SRCIN1: variants seen among roughly 807,000 people sequenced by gnomAD.
SRCIN1 encodes the protein SRC kinase signaling inhibitor 1.
Under a neutral mutation model 116.2 loss-of-function variants are expected in SRCIN1, and 50 were observed. The ratio of observed to expected loss-of-function variants is 0.43; its 90% CI spans 0.34 to 0.54. The LOEUF is 0.54. Ranked by LOEUF, SRCIN1 falls within the 20% of genes least tolerant of loss-of-function variation. The pLI is 0.02. For synonymous variants in SRCIN1, 736 were observed against 750.0 expected, an observed-to-expected ratio of 0.98 and a Z score of 0.30; for missense variants, 1,446 against 1,672.0, an observed-to-expected ratio of 0.86 and a Z score of 2.36.
intron 3 of SRCIN1, among the ~76,000 whole-genome samples, chr17:38,565,607 G>C (rs78832807): frequency 0.018 from 2,763 of 152,168 alleles, 105 homozygotes; most frequent in African/African-American, 0.063. Flanking sequence ...CTCCTCTTCA[G>C]CTCCCTCTCT....
chr17:38,561,218 G>A (rs771444395), intron 7 of SRCIN1, among the ~76,000 whole-genome samples: 1 of 152,178 alleles, frequency 6.6e-6, no homozygotes. Flanking sequence ...CAGAGTCCTC[G>A]TCTGGGGACC....
intron 18 of SRCIN1, among the ~76,000 whole-genome samples, chr17:38,540,080 T>A (rs1904634464): frequency 6.6e-6 from 1 of 151,408 alleles, no homozygotes; most frequent in Admixed American, 6.6e-5. Flanking sequence ...GATAAGCAGT[T>A]GTTCAGCAAA....
chr17:38,576,139 T>A (rs1907404486), intron 2 of SRCIN1, among the ~76,000 whole-genome samples: 1 of 152,132 alleles, frequency 6.6e-6, no homozygotes, highest in South Asian at 2.1e-4. Flanking sequence ...CCAGGCCTGC[T>A]ACCCCTGGAA....
Position 38,558,598 on chromosome 17 carries a change from G to T in SRCIN1, c.2026-196C>A, listed in dbSNP as rs1410615225. Among the ~76,000 whole-genome samples, 1 of 152,216 alleles carries T rather than the reference G, an allele frequency of 6.6e-6. No individual in the cohort carries two copies. Among genetic ancestry groups the T allele is most frequent in the South Asian group, 2.1e-4 (1 of 4,834 alleles). On this transcript the variant is annotated intron_variant, in intron 10 of 18. Transcript: ENST00000617146. This position sits in a 1 kb window ranked among gnomAD's most constrained non-coding sequence, Gnocchi z 4.6. Reference sequence around the variant, plus strand: ...GCAGGGGCGGGATGGCGAAGGGCAGGGGCAGAGGGCTAAGTTCTGGGGAAG... The same window carrying T: ...GCAGGGGCGGGATGGCGAAGGGCAGTGGCAGAGGGCTAAGTTCTGGGGAAG...
Position 38,558,514 on chromosome 17 carries a change from A to C in SRCIN1, c.2026-112T>G. Reference sequence around the variant, plus strand: ...TGCCCAATCCAGGGCGGGGCTCTGCAGAAGAAGCGGCTGCTTGGCTCCGCC... The same window carrying C: ...TGCCCAATCCAGGGCGGGGCTCTGCCGAAGAAGCGGCTGCTTGGCTCCGCC... On this transcript the variant is annotated intron_variant, in intron 10 of 18. Transcript: ENST00000617146. This position sits in a 1 kb window ranked among gnomAD's most constrained non-coding sequence, Gnocchi z 4.6. 2 of 1,290,150 alleles carry C rather than the reference A, an allele frequency of 1.6e-6. No individual in the cohort carries two copies. Among genetic ancestry groups the C allele is most frequent in the African/African-American group, 1.5e-5 (1 of 65,022 alleles). The allele number at this position is 1,290,150 out of a possible 1,614,324, so 79.9% of individuals were successfully genotyped here.
chr17:38,597,418 C>G (rs1908783575), intron 1 of SRCIN1, among the ~76,000 whole-genome samples: 1 of 152,134 alleles, frequency 6.6e-6, no homozygotes, highest in Non-Finnish European at 1.5e-5. Flanking sequence ...GGAGAGTGGG[C>G]CCCATTCAAT....
At chr17:38,603,175 A>T (rs1018716646) in intron 1 of SRCIN1, among the ~76,000 whole-genome samples, 1 of 151,804 alleles carries the variant, frequency 6.6e-6, no homozygotes, top group Admixed American at 6.6e-5. Flanking sequence ...AGAGAGAGGG[A>T]AGAGGGAGAG....
Position 38,558,328 on chromosome 17 carries a change from C to A in SRCIN1, c.2100G>T (p.Ala700=). The A allele has an allele frequency of 6.2e-7, 1 of 1,610,250 alleles. No homozygotes were observed. The highest frequency in any genetic ancestry group is 8.5e-7 in the Non-Finnish European group (1 of 1,179,526). Residue 700 remains alanine, a synonymous_variant, in exon 11 of 19, where the codon GCG becomes GCT. Transcript: ENST00000617146. This position sits in a 1 kb window ranked among gnomAD's most constrained non-coding sequence, Gnocchi z 4.6. ...EAELSMRVSE[A]ARRQEDPLQR... Reference sequence around the variant, plus strand: ...GCAGCGGGTCCTCCTGCCGCCGCGCCGCCTCCGACACGCGCATGCTCAGCT... The same window carrying A: ...GCAGCGGGTCCTCCTGCCGCCGCGCAGCCTCCGACACGCGCATGCTCAGCT...
intron 1 of SRCIN1, among the ~76,000 whole-genome samples, chr17:38,594,961 A>T (rs1421324043): frequency 6.6e-6 from 1 of 152,172 alleles, no homozygotes; most frequent in African/African-American, 2.4e-5. Context: ...TTGGAGGCCA[A>T]GTAACTGCTT....
At position 38,562,467 on chromosome 17, in the gene SRCIN1, T is replaced by C. The variant is rs1161731354; in HGVS notation, c.835-139A>G. The C allele has an allele frequency of 9.2e-7, 1 of 1,082,044 alleles. No individual in the cohort carries two copies. The highest frequency in any genetic ancestry group is 1.7e-5 in the African/African-American group (1 of 59,778). 67.0% of individuals were successfully genotyped at this position (1,082,044 alleles called of 1,614,324 possible). A position where few individuals can be genotyped will look rare whatever the true frequency, so the allele number is the denominator to read the frequency against. On this transcript the variant is annotated intron_variant, in intron 6 of 18. Coordinates refer to ENST00000617146, the MANE Select transcript of SRCIN1 (RefSeq NM_025248.3). This position sits in a 1 kb window ranked among gnomAD's most constrained non-coding sequence, Gnocchi z 4.2. ...TGCCCTCCCTCCATCCTGCTGCGTC[T>C]AGGGTCCCTTTCCCATCAGGGTTCC... is the stretch of plus-strand genomic sequence containing the variant.
At chr17:38,592,502 G>C (rs1055384657) in intron 1 of SRCIN1, among the ~76,000 whole-genome samples, 1 of 152,230 alleles carries the variant, frequency 6.6e-6, no homozygotes, top group Non-Finnish European at 1.5e-5. Context: ...AGAACAGGCA[G>C]AAGGACACAG....
chr17:38,551,701 T>C, intron 14 of SRCIN1, 185 bp downstream of exon 14: 1 of 882,956 alleles, frequency 1.1e-6, no homozygotes, highest in South Asian at 1.7e-5. Flanking sequence ...AGCTTTATAA[T>C]ACGCTTTCTG....
intron 15 of SRCIN1, 136 bp downstream of exon 15, chr17:38,551,019 A>G: frequency 1.8e-6 from 1 of 544,828 alleles, no homozygotes; most frequent in South Asian, 2.7e-5. Context: ...GTGGCAGCCG[A>G]TGTCCCAGGG....
chr17:38,593,978 C>T (rs753944233), intron 1 of SRCIN1, among the ~76,000 whole-genome samples: 1 of 152,216 alleles, frequency 6.6e-6, no homozygotes, highest in Non-Finnish European at 1.5e-5. Context: ...CACCTTTTTA[C>T]GGAGGCAGAA....
At chr17:38,601,636 A>ACG (rs1170738263) in intron 1 of SRCIN1, among the ~76,000 whole-genome samples, 2 of 108,054 alleles carry the variant, frequency 1.9e-5, no homozygotes, top group Non-Finnish European at 4.1e-5. Context: ...ATACACACAC[A>ACG]CGCACACACA....
At chr17:38,555,568 G>A (rs1355242689) in intron 11 of SRCIN1, among the ~76,000 whole-genome samples, 1 of 152,146 alleles carries the variant, frequency 6.6e-6, no homozygotes, top group Non-Finnish European at 1.5e-5. Context: ...GCTATCCTAA[G>A]ACTCTGGCAT....
At chr17:38,538,908 C>T (rs975362470) in intron 18 of SRCIN1, among the ~76,000 whole-genome samples, 5 of 151,580 alleles carry the variant, frequency 3.3e-5, no homozygotes, top group African/African-American at 7.3e-5. Flanking sequence ...CACCTGCAAA[C>T]GGATAACAGG....
rs999176213 is a variant in SRCIN1 at position 38,568,445 on chromosome 17, C to T, written c.325-214G>A. ...TGTACCCAGGATGGCCCTGAGCAGG[C>T]GCTACAGCGACTCCTCGCAGAGTTA... On this transcript the variant is annotated intron_variant, in intron 2 of 18. Coordinates refer to ENST00000617146, the MANE Select transcript of SRCIN1 (RefSeq NM_025248.3). This position sits in a 1 kb window ranked among gnomAD's most constrained non-coding sequence, Gnocchi z 4.5. Among the ~76,000 whole-genome samples the T allele has an allele frequency of 6.6e-6, 1 of 152,190 alleles. No individual in the cohort carries two copies. The highest frequency in any genetic ancestry group is 1.5e-5 in the Non-Finnish European group (1 of 68,036).
At chr17:38,603,904 T>C (rs529342875) in intron 1 of SRCIN1, among the ~76,000 whole-genome samples, 1 of 152,138 alleles carries the variant, frequency 6.6e-6, no homozygotes, top group Non-Finnish European at 1.5e-5. Context: ...CCCATGTCCC[T>C]GACACCTGTA....
Sources: gnomAD v4.1 joint callset for allele counts (sites outside exome capture counted in the v4.1 genomes callset) on GRCh38, gnomAD v4.1.1 for gene constraint, Gnocchi (gnomAD v3.1) non-coding constraint, MANE v1.5 for transcripts, NCBI Gene and HGNC (gene_info 2026-07-23, HGNC 2026-07-21) for gene names.